FKBP5: variants seen among roughly 807,000 people sequenced by gnomAD.
FKBP5 encodes FKBP prolyl isomerase 5, also known as peptidyl-prolyl cis-trans isomerase FKBP5.
Under a neutral mutation model 50.5 loss-of-function variants are expected in FKBP5, and 23 were observed. The ratio of observed to expected loss-of-function variants is 0.46; its 90% CI spans 0.33 to 0.65. The LOEUF is 0.65. Ranked by LOEUF, FKBP5 falls within the 30% of genes least tolerant of loss-of-function variation. The pLI is 0.02. For synonymous variants in FKBP5, 176 were observed against 190.6 expected, an observed-to-expected ratio of 0.92 and a Z score of 0.63; for missense variants, 411 against 553.1, an observed-to-expected ratio of 0.74 and a Z score of 2.58.
intron 1 of FKBP5, among the ~76,000 whole-genome samples, chr6:35,673,158 T>C (rs1288064572): frequency 6.6e-6 from 1 of 152,234 alleles, no homozygotes; most frequent in African/African-American, 2.4e-5. Context: ...TAGGGCTTTA[T>C]ACCTTCTATC....
intron 1 of FKBP5, among the ~76,000 whole-genome samples, chr6:35,652,238 C>T (rs1217695371): frequency 6.6e-6 from 1 of 152,080 alleles, no homozygotes; most frequent in Non-Finnish European, 1.5e-5. Context: ...GCGTTAAGTA[C>T]ACAAATTGTA....
chr6:35,657,973 G>T (rs1300844878), intron 1 of FKBP5, among the ~76,000 whole-genome samples: 1 of 151,590 alleles, frequency 6.6e-6, no homozygotes, highest in Non-Finnish European at 1.5e-5. Context: ...GCTCACACCT[G>T]TAATCCCAGC....
chr6:35,677,508 G>A (rs1765560242), intron 1 of FKBP5, among the ~76,000 whole-genome samples: 1 of 152,226 alleles, frequency 6.6e-6, no homozygotes, highest in Admixed American at 6.5e-5. Context: ...TCCTGAAAAT[G>A]TGTTATATAT....
intron 1 of FKBP5, among the ~76,000 whole-genome samples, chr6:35,644,757 T>C (rs1764584058): frequency 1.3e-5 from 2 of 152,204 alleles, no homozygotes; most frequent in African/African-American, 4.8e-5. Context: ...GCTTATAATA[T>C]GCTTCTGTGA....
At chr6:35,610,202 GC>G (rs1561856766) in intron 5 of FKBP5, among the ~76,000 whole-genome samples, 2 of 152,126 alleles carry the variant, frequency 1.3e-5, no homozygotes, top group African/African-American at 4.8e-5. Context: ...GACTTTAGGA[GC>G]AGAACACTTT....
chr6:35,714,063 A>G (rs1468768393), intron 2 of FKBP5, among the ~76,000 whole-genome samples: 1 of 151,764 alleles, frequency 6.6e-6, no homozygotes, highest in Non-Finnish European at 1.5e-5. Flanking sequence ...CTGGGGGCAT[A>G]AAACCACAGG....
intron 5 of FKBP5, among the ~76,000 whole-genome samples, chr6:35,608,227 A>T (rs1763387072): frequency 6.6e-6 from 1 of 152,166 alleles, no homozygotes; most frequent in Non-Finnish European, 1.5e-5. Flanking sequence ...TCCAAAAGCA[A>T]AAAAGGATGG....
intron 1 of FKBP5, among the ~76,000 whole-genome samples, chr6:35,722,480 AACC>A (rs1228590754): frequency 1.3e-5 from 2 of 152,046 alleles, no homozygotes; most frequent in Admixed American, 6.6e-5. Flanking sequence ...GGCTGCAGGG[AACC>A]ATGAGGCTGC....
intron 1 of FKBP5, among the ~76,000 whole-genome samples, chr6:35,669,736 A>C (rs1343072660): frequency 6.6e-6 from 1 of 152,364 alleles, no homozygotes; most frequent in Non-Finnish European, 1.5e-5. Context: ...AAAATTAGAA[A>C]TATAAATTAT....
chr6:35,698,649 TAATA>T (rs1014330984), intron 2 of FKBP5, among the ~76,000 whole-genome samples: 2 of 151,860 alleles, frequency 1.3e-5, no homozygotes, highest in African/African-American at 4.8e-5. Flanking sequence ...TCTCAAAAAA[TAATA>T]AATAAATAAA....
At chr6:35,677,776 C>CT (rs757491549) in intron 1 of FKBP5, among the ~76,000 whole-genome samples, 83 of 144,632 alleles carry the variant, frequency 5.7e-4, no homozygotes, top group Admixed American at 3.1e-3. Context: ...TGACTGAAGC[C>CT]TTTTTTTTTT....
intron 5 of FKBP5, among the ~76,000 whole-genome samples, chr6:35,618,704 T>A (rs996730473): frequency 4.0e-5 from 6 of 151,348 alleles, no homozygotes; most frequent in Admixed American, 1.3e-4. Flanking sequence ...TATTCAATAC[T>A]TTTTTTTTGA....
At chr6:35,723,761 C>T (rs1472357770) in intron 1 of FKBP5, among the ~76,000 whole-genome samples, 3 of 152,234 alleles carry the variant, frequency 2.0e-5, no homozygotes, top group African/African-American at 7.2e-5. Flanking sequence ...CCTGCTTCAT[C>T]CCCTGGGGGT....
intron 2 of FKBP5, among the ~76,000 whole-genome samples, chr6:35,718,872 C>G (rs1296554098): frequency 2.0e-5 from 3 of 152,212 alleles, no homozygotes; most frequent in Non-Finnish European, 4.4e-5. Context: ...AATAATCTAA[C>G]TACACAGGGG....
chr6:35,611,876 A>G (rs971641001), intron 5 of FKBP5, among the ~76,000 whole-genome samples: 2 of 152,232 alleles, frequency 1.3e-5, no homozygotes, highest in Non-Finnish European at 2.9e-5. Flanking sequence ...CACAGAGACA[A>G]ATTATGAAAA....
intron 8 of FKBP5, chr6:35,581,607 C>T: frequency 2.0e-6 from 2 of 985,282 alleles, no homozygotes; most frequent in Non-Finnish European, 2.4e-6. Context: ...CAAAACAAAA[C>T]AAAACAAAAC....
chr6:35,714,279 C>T (rs1459234502), intron 2 of FKBP5, among the ~76,000 whole-genome samples: 2 of 141,078 alleles, frequency 1.4e-5, no homozygotes, highest in East Asian at 2.1e-4. Flanking sequence ...TGGTGAAACC[C>T]CGTCTCTACT....
At chr6:35,650,909 A>T (rs77571794) in intron 1 of FKBP5, among the ~76,000 whole-genome samples, 2,807 of 152,332 alleles carry the variant, frequency 0.018, 32 homozygotes, top group South Asian at 0.032. Flanking sequence ...TGTTCATTAC[A>T]TGCCAAAATG....
chr6:35,638,912 T>C (rs192813611), intron 2 of FKBP5, among the ~76,000 whole-genome samples: 1 of 152,320 alleles, frequency 6.6e-6, no homozygotes, highest in East Asian at 1.9e-4. Context: ...TTTCTAGGAC[T>C]ATAAACAGTA....
Sources: allele counts gnomAD v4.1 joint callset (sites outside exome capture counted in the v4.1 genomes callset), GRCh38; gene constraint gnomAD v4.1.1; transcripts MANE v1.5; gene names NCBI Gene and HGNC (gene_info 2026-07-23, HGNC 2026-07-21).